The following SUSD1 variants were observed in gnomAD, a reference collection of about 807,000 sequenced individuals.
SUSD1 encodes sushi domain-containing protein 1.
A neutral mutation model predicts 86.9 loss-of-function variants in SUSD1; 65 were observed. The observed-to-expected ratio is 0.75, with a 90% CI of 0.61 to 0.92. The LOEUF (loss-of-function observed/expected upper bound fraction) is 0.92, where lower values mean the gene tolerates loss of function less well. Among genes scored for constraint, SUSD1 ranks in the 40% least tolerant of loss-of-function variants. The pLI, the probability that SUSD1 is intolerant of heterozygous loss-of-function variation, is 0.00. For missense variants in SUSD1, 850 were observed against 929.7 expected (o/e 0.91, Z 1.11); for synonymous variants, 346 against 350.0 (o/e 0.99, Z 0.13).
chr9:112,112,007 T>C (rs962392921), intron 7 of SUSD1, 167 bp from the exon 8 acceptor site: 2 of 637,740 alleles, frequency 3.1e-6, no homozygotes, highest in Non-Finnish European at 5.3e-6. Flanking sequence ...ATCAGCCCAG[T>C]GAATATTAAA....
intron 1 of SUSD1, among the ~76,000 whole-genome samples, chr9:112,165,942 G>GAAAGAAAGAAAGAAAGAAAGA (rs11377595): frequency 5.3e-4 from 38 of 71,954 alleles, no homozygotes; most frequent in East Asian, 8.7e-4. Flanking sequence ...AAGAAAGAAA[G>GAAAGAAAGAAAGAAAGAAAGA]AAGAAAGAAA....
At chr9:112,086,355 T>C (rs1017213893) in intron 10 of SUSD1, among the ~76,000 whole-genome samples, 3 of 150,016 alleles carry the variant, frequency 2.0e-5, no homozygotes, top group Admixed American at 1.3e-4. Context: ...AATATGAAAT[T>C]CCAGCAAAAT....
intron 14 of SUSD1, among the ~76,000 whole-genome samples, chr9:112,057,046 G>T (rs1002433464): frequency 6.6e-6 from 1 of 152,178 alleles, no homozygotes; most frequent in Non-Finnish European, 1.5e-5. Flanking sequence ...GAGAGAAATA[G>T]ATTCAGAAGA....
intron 12 of SUSD1, among the ~76,000 whole-genome samples, chr9:112,067,159 T>C (rs1829019062): frequency 6.6e-6 from 1 of 152,226 alleles, no homozygotes; most frequent in South Asian, 2.1e-4. Flanking sequence ...ATTACAGGCG[T>C]GAGCCACCAC....
intron 1 of SUSD1, among the ~76,000 whole-genome samples, chr9:112,158,683 C>T (rs564253693): frequency 2.6e-5 from 4 of 152,262 alleles, no homozygotes; most frequent in African/African-American, 7.2e-5. Flanking sequence ...TGAGCCAATG[C>T]GCCCGGCCCA....
intron 15 of SUSD1, among the ~76,000 whole-genome samples, chr9:112,046,521 T>C (rs1454355775): frequency 6.6e-6 from 1 of 152,176 alleles, no homozygotes; most frequent in Non-Finnish European, 1.5e-5. Flanking sequence ...TTGCTGGACT[T>C]ATCTTTAACC....
At chr9:112,089,150 A>G (rs1055734459) in intron 10 of SUSD1, among the ~76,000 whole-genome samples, 10 of 152,214 alleles carry the variant, frequency 6.6e-5, no homozygotes, top group South Asian at 2.1e-4. Flanking sequence ...CTGACAAACC[A>G]GATGGTGAAA....
chr9:112,051,282 C>T (rs1828180231), intron 15 of SUSD1, among the ~76,000 whole-genome samples: 1 of 152,180 alleles, frequency 6.6e-6, no homozygotes, highest in Admixed American at 6.5e-5. Context: ...GATGCTATCC[C>T]CAGGATTCCT....
intron 12 of SUSD1, among the ~76,000 whole-genome samples, chr9:112,070,129 C>G (rs1829197652): frequency 6.6e-6 from 1 of 152,150 alleles, no homozygotes; most frequent in Non-Finnish European, 1.5e-5. Flanking sequence ...CCACAGCCTC[C>G]CGAGTAGCTG....
intron 5 of SUSD1, among the ~76,000 whole-genome samples, chr9:112,130,530 G>C (rs939559082): frequency 1.4e-5 from 2 of 144,726 alleles, no homozygotes; most frequent in African/African-American, 5.1e-5. Flanking sequence ...AGAAAGAAAA[G>C]AAAGGAAGGA....
chr9:112,066,434 G>C (rs546479572), intron 12 of SUSD1, among the ~76,000 whole-genome samples: 2 of 152,194 alleles, frequency 1.3e-5, no homozygotes, highest in Non-Finnish European at 1.5e-5. Flanking sequence ...ACTGTGACTT[G>C]TAATATAGAA....
chr9:112,172,931 G>A (rs999511092), intron 1 of SUSD1, among the ~76,000 whole-genome samples: 2 of 152,216 alleles, frequency 1.3e-5, no homozygotes, highest in Admixed American at 1.3e-4. Context: ...AAGGGAGAAT[G>A]TCTAGATAAG....
At chr9:112,080,380 G>T (rs2131559414) in intron 10 of SUSD1, among the ~76,000 whole-genome samples, 1 of 152,002 alleles carries the variant, frequency 6.6e-6, no homozygotes, top group East Asian at 1.9e-4. Context: ...CTAATCGGAG[G>T]ACCCCTCTTA....
chr9:112,149,238 G>A lies in SUSD1; in HGVS notation c.373+6C>T. 6.2e-7 allele frequency: 1 copy of A among 1,613,898 alleles called. No homozygotes were observed. Among genetic ancestry groups the A allele is most frequent in the Non-Finnish European group, 8.5e-7 (1 of 1,179,874 alleles). On this transcript the variant is annotated splice_donor_region_variant and intron_variant, in intron 3 of 16. Transcript: ENST00000374270. ...TTGTCAACACCGCAGCCCCCTTCTT[G>A]AGTACCTGTACAAAAGGTGCCATCG...
intron 15 of SUSD1, among the ~76,000 whole-genome samples, chr9:112,049,677 T>A (rs1463250929): frequency 6.6e-6 from 1 of 152,212 alleles, no homozygotes; most frequent in Non-Finnish European, 1.5e-5. Context: ...AATTACTTTC[T>A]GAAATGGCAG....
At chr9:112,129,774 G>T (rs548246683) in intron 5 of SUSD1, among the ~76,000 whole-genome samples, 2 of 152,228 alleles carry the variant, frequency 1.3e-5, no homozygotes, top group South Asian at 2.1e-4. Flanking sequence ...CCTCCACAAG[G>T]TCCGCTTAAA....
intron 12 of SUSD1, among the ~76,000 whole-genome samples, chr9:112,077,499 C>CCTTT: frequency 1.5e-5 from 1 of 66,420 alleles, no homozygotes; most frequent in East Asian, 5.3e-4. Flanking sequence ...TAGTAATCTA[C>CCTTT]TTTTTTTTTT....
At chr9:112,064,878 A>G (rs1368717328) in intron 12 of SUSD1, among the ~76,000 whole-genome samples, 1 of 116,756 alleles carries the variant, frequency 8.6e-6, no homozygotes, top group African/African-American at 3.0e-5. Context: ...TCTGTCTCAG[A>G]AAAAAAAAAA....
chr9:112,152,392 GT>G (rs911724169), intron 2 of SUSD1, among the ~76,000 whole-genome samples: 1 of 150,488 alleles, frequency 6.6e-6, no homozygotes, highest in African/African-American at 2.4e-5. Flanking sequence ...ATTCTATATG[GT>G]TTTTTTTGTT....
Sources: allele counts gnomAD v4.1 joint callset (sites outside exome capture counted in the v4.1 genomes callset), GRCh38; gene constraint gnomAD v4.1.1; transcripts MANE v1.5; gene names NCBI Gene and HGNC (gene_info 2026-07-23, HGNC 2026-07-21).